The following FNDC3B variants were observed in gnomAD, a reference collection of about 807,000 sequenced individuals.
FNDC3B encodes the protein fibronectin type III domain containing 3B.
A neutral mutation model predicts 151.5 loss-of-function variants in FNDC3B; 12 were observed. The observed-to-expected ratio is 0.08, with a 90% CI of 0.05 to 0.13. FNDC3B has a LOEUF of 0.13. Ranked by LOEUF, FNDC3B falls within the 10% of genes least tolerant of loss-of-function variation. The pLI is 1.00. For missense variants in FNDC3B, 1,214 were observed against 1,505.3 expected (o/e 0.81, Z 3.20); for synonymous variants, 528 against 549.0 (o/e 0.96, Z 0.54).
chr3:172,068,570 T>A (rs921677917), intron 1 of FNDC3B, among the ~76,000 whole-genome samples: 1 of 151,894 alleles, frequency 6.6e-6, no homozygotes, highest in Non-Finnish European at 1.5e-5. Context: ...ATCACAGGCT[T>A]AAGCCACCAC....
At chr3:172,348,583 G>C (rs1303548589) in intron 21 of FNDC3B, among the ~76,000 whole-genome samples, 2 of 152,136 alleles carry the variant, frequency 1.3e-5, no homozygotes, top group Admixed American at 6.5e-5. Context: ...TGCCACCCCA[G>C]TAAAGAGCTT....
At chr3:172,106,441 G>A (rs1041517899) in intron 1 of FNDC3B, among the ~76,000 whole-genome samples, 3 of 152,194 alleles carry the variant, frequency 2.0e-5, no homozygotes, top group Non-Finnish European at 2.9e-5. Flanking sequence ...ATCCAGGCTG[G>A]CCCGGTGGGT....
chr3:172,133,927 G>A (rs556362160), intron 3 of FNDC3B, among the ~76,000 whole-genome samples: 34 of 152,268 alleles, frequency 2.2e-4, no homozygotes, highest in African/African-American at 7.9e-4. Context: ...TGGCTTCAGA[G>A]CCAATAACTA....
chr3:172,153,811 C>T (rs1435944995), intron 3 of FNDC3B, among the ~76,000 whole-genome samples: 1 of 152,186 alleles, frequency 6.6e-6, no homozygotes, highest in Non-Finnish European at 1.5e-5. Flanking sequence ...CCAGACTGGA[C>T]TGCAGCCTTC....
chr3:172,347,055 G>A (rs759567943), intron 20 of FNDC3B, among the ~76,000 whole-genome samples, 157 bp from the exon 21 acceptor site: 1 of 152,192 alleles, frequency 6.6e-6, no homozygotes, highest in South Asian at 2.1e-4. Flanking sequence ...TGGGTACATA[G>A]TAGGTATATA....
At chr3:172,328,323 T>C (rs7642511) in intron 11 of FNDC3B, among the ~76,000 whole-genome samples, 54,337 of 152,124 alleles carry the variant, frequency 0.36, 11,295 homozygotes, top group African/African-American at 0.57. Flanking sequence ...AGCACTGTTA[T>C]GAGCAAAGCA....
intron 3 of FNDC3B, among the ~76,000 whole-genome samples, chr3:172,144,583 T>C (rs895619915): frequency 1.3e-5 from 2 of 152,230 alleles, no homozygotes; most frequent in South Asian, 4.1e-4. Flanking sequence ...CTAAGGTAGA[T>C]GAACTACAGT....
At chr3:172,046,652 T>C (rs554982843) in intron 1 of FNDC3B, among the ~76,000 whole-genome samples, 3 of 152,282 alleles carry the variant, frequency 2.0e-5, no homozygotes, top group African/African-American at 7.2e-5. Context: ...ATCATTAAAA[T>C]ACCTCATCAG....
chr3:172,361,391 G>C (rs1300005344), intron 22 of FNDC3B, among the ~76,000 whole-genome samples: 1 of 152,106 alleles, frequency 6.6e-6, no homozygotes, highest in South Asian at 2.1e-4. Context: ...GAAGCAGCCA[G>C]GTCACCTCTT....
In FNDC3B at chr3:172,344,114, G is replaced by A. The variant is rs745750053; in HGVS notation, c.2106G>A (p.Glu702=). 1.9e-6 allele frequency: 3 copies of A among 1,612,558 alleles called. No homozygotes were observed. Among genetic ancestry groups the A allele is most frequent in the South Asian group, 1.1e-5 (1 of 90,954 alleles). ...WDVPASESGC[E]VSEYSVEMTE... ...TTCCTGCATCGGAAAGTGGCTGTGA[G>A]GTCTCAGAGTACAGCGTGGAGATGA... The change falls in exon 19 of 26, where the codon GAG becomes GAA. Residue 702 remains glutamate (E), a synonymous_variant. Transcript: ENST00000415807.
At chr3:172,072,275 G>A (rs989803654) in intron 1 of FNDC3B, among the ~76,000 whole-genome samples, 2 of 151,348 alleles carry the variant, frequency 1.3e-5, no homozygotes, top group African/African-American at 4.9e-5. Flanking sequence ...CATGTAGCTA[G>A]TGGTTCTAGT....
Position 172,346,420 on chromosome 3 carries a change from T to C in FNDC3B, c.2344T>C (p.Cys782Arg). The C allele has an allele frequency of 1.9e-6, 3 of 1,611,584 alleles. No individual in the cohort carries two copies. The highest frequency in any genetic ancestry group is 2.5e-6 in the Non-Finnish European group (3 of 1,178,012). Residue 782 changes from cysteine (C) to arginine (R), a missense_variant, in exon 20 of 26, where the codon TGT becomes CGT. Physicochemically the swap from Cys to Arg is radical, Grantham distance 180. Transcript: ENST00000415807. The part of the protein sequence containing the change: ...APCISCTPDG[C>R]VLVGWESPDS... ...TTGTATTTCTTGTACACCTGATGGA[T>C]GTGTCTTAGTGGGTTGGGAGGTAAG...
At chr3:172,213,413 T>C (rs1382990713) in intron 3 of FNDC3B, among the ~76,000 whole-genome samples, 1 of 152,210 alleles carries the variant, frequency 6.6e-6, no homozygotes, top group East Asian at 1.9e-4. Flanking sequence ...CAGTGGTTTC[T>C]CAAAGGCAGT....
intron 22 of FNDC3B, among the ~76,000 whole-genome samples, chr3:172,356,844 C>T (rs1157621826): frequency 1.3e-5 from 2 of 152,124 alleles, no homozygotes; most frequent in African/African-American, 2.4e-5. Context: ...TCTTTTGCTT[C>T]TCAGGCCCCT....
chr3:172,126,972 TGAGCAGACACTGGAATGTGAATGCA>T, intron 2 of FNDC3B: 1 of 456,382 alleles, frequency 2.2e-6, no homozygotes, highest in Non-Finnish European at 4.4e-6. Flanking sequence ...ACACAGAAGC[TGAGCAGACACTGGAATGTGAATGCA>T]TTGGGAGGTG....
rs1301071859 is a variant in FNDC3B at position 172,193,322 on chromosome 3, TCCCC to T, written c.188-33548_188-33545del. Among the ~76,000 whole-genome samples the T allele has an allele frequency of 5.4e-4, 14 of 26,014 alleles. 5 individuals are homozygous for T. Among genetic ancestry groups the T allele is most frequent in the Non-Finnish European group, 7.9e-5 (1 of 12,650 alleles). The allele number at this position is 26,014 out of a possible 152,430, so 17.1% of individuals were successfully genotyped here. On this transcript the variant is annotated intron_variant, in intron 3 of 25. Coordinates refer to ENST00000415807, the MANE Select transcript of FNDC3B (RefSeq NM_022763.4). ...CCCATCCCCCTCCCCTCCCCTCCCCTCCCCTCCCCTTCCCTTCCCTTCCTTCCTC... is the reference window on the plus strand; with the variant it reads ...CCCATCCCCCTCCCCTCCCCTCCCCTTCCCCTTCCCTTCCCTTCCTTCCTC...
intron 22 of FNDC3B, among the ~76,000 whole-genome samples, chr3:172,359,744 G>C (rs1333326576): frequency 6.6e-6 from 1 of 152,108 alleles, no homozygotes; most frequent in South Asian, 2.1e-4. Flanking sequence ...GGGAGGCAAG[G>C]AAGAGTTCTA....
At chr3:172,322,880 T>C (rs762690809) in intron 11 of FNDC3B, among the ~76,000 whole-genome samples, 2 of 152,164 alleles carry the variant, frequency 1.3e-5, no homozygotes, top group Non-Finnish European at 2.9e-5. Context: ...AAGAGATCAC[T>C]CTGCCTGCTC....
At chr3:172,221,793 A>G (rs888102627) in intron 3 of FNDC3B, among the ~76,000 whole-genome samples, 1 of 152,210 alleles carries the variant, frequency 6.6e-6, no homozygotes, top group Non-Finnish European at 1.5e-5. Context: ...ATCATTAGAC[A>G]TTTATGAGAT....
Sources: allele counts gnomAD v4.1 joint callset (sites outside exome capture counted in the v4.1 genomes callset), GRCh38; gene constraint gnomAD v4.1.1; transcripts MANE v1.5; gene names NCBI Gene and HGNC (gene_info 2026-07-23, HGNC 2026-07-21).